SEMA6D: variants seen among roughly 807,000 people sequenced by gnomAD.
SEMA6D encodes the protein semaphorin 6D, also known as semaphorin-6D.
In SEMA6D, 35 loss-of-function variants were observed where a neutral mutation model predicts 106.6. That is an observed-to-expected ratio of 0.33 (90% CI 0.25 to 0.44). The LOEUF (loss-of-function observed/expected upper bound fraction) is 0.44, where lower values mean the gene tolerates loss of function less well. Ranked by LOEUF, SEMA6D falls within the 20% of genes least tolerant of loss-of-function variation. The pLI is 1.00. For missense variants in SEMA6D, 1,185 were observed against 1,345.9 expected (o/e 0.88, Z 1.87); for synonymous variants, 499 against 487.7 (o/e 1.02, Z -0.31).
intron 4 of SEMA6D, among the ~76,000 whole-genome samples, chr15:47,607,872 GAGAGGATGC>G (rs1330713528): frequency 6.6e-6 from 1 of 152,244 alleles, no homozygotes; most frequent in Non-Finnish European, 1.5e-5. Flanking sequence ...AAGGCCTAGG[GAGAGGATGC>G]CAGGAGTATG....
chr15:47,374,172 T>C (rs572548320), intron 1 of SEMA6D, among the ~76,000 whole-genome samples: 10 of 152,312 alleles, frequency 6.6e-5, no homozygotes, highest in African/African-American at 2.4e-4. Context: ...CTCTGTATTA[T>C]CCATAATAAA....
rs559955256 is a variant in SEMA6D at position 47,410,131 on chromosome 15, C to A, written c.-238-2262C>A. On this transcript the variant is annotated intron_variant, in intron 1 of 19. Coordinates refer to the SEMA6D transcript ENST00000558014. ...CTGGGACCACAGGCATGTGCCACCA[C>A]GCCCAGCTAATTGTTTTTGTATTTT... Among the ~76,000 whole-genome samples, 22 of 149,954 alleles carry A rather than the reference C, an allele frequency of 1.5e-4. No homozygotes were observed. The East Asian group carries it at 4.1e-3, about 28-fold the overall frequency.
chr15:47,437,952 T>G (rs2041772832), intron 2 of SEMA6D, among the ~76,000 whole-genome samples: 1 of 152,112 alleles, frequency 6.6e-6, no homozygotes, highest in Non-Finnish European at 1.5e-5. Flanking sequence ...AATTGATGTG[T>G]GTGGTGGAGG....
intron 4 of SEMA6D, among the ~76,000 whole-genome samples, chr15:47,695,212 T>G (rs1309471048): frequency 1.3e-5 from 2 of 152,198 alleles, no homozygotes; most frequent in African/African-American, 4.8e-5. Flanking sequence ...ATGCCAAAAC[T>G]GAATTCTCGT....
At chr15:47,263,466 T>C (rs1345344324) in intron 1 of SEMA6D, among the ~76,000 whole-genome samples, 1 of 152,088 alleles carries the variant, frequency 6.6e-6, no homozygotes, top group Non-Finnish European at 1.5e-5. Flanking sequence ...TACTGATTCA[T>C]CAGAGAAATG....
chr15:47,686,824 G>A (rs903610918), intron 4 of SEMA6D, among the ~76,000 whole-genome samples: 3 of 152,082 alleles, frequency 2.0e-5, no homozygotes, highest in African/African-American at 7.2e-5. Context: ...CCAGCACTTT[G>A]GGGGACTGAG....
intron 2 of SEMA6D, among the ~76,000 whole-genome samples, chr15:47,437,583 T>C (rs1035314201): frequency 1.3e-5 from 2 of 152,082 alleles, no homozygotes; most frequent in South Asian, 4.1e-4. Flanking sequence ...TTAAGCAGTA[T>C]CTGGTTAGTT....
chr15:47,527,383 G>A (rs926953655), intron 3 of SEMA6D, among the ~76,000 whole-genome samples: 4 of 152,110 alleles, frequency 2.6e-5, no homozygotes, highest in Non-Finnish European at 1.5e-5. Flanking sequence ...AAGTTATATG[G>A]AAATGCCAAA....
chr15:47,426,212 C>T (rs1199397931), intron 2 of SEMA6D, among the ~76,000 whole-genome samples: 1 of 151,796 alleles, frequency 6.6e-6, no homozygotes, highest in Non-Finnish European at 1.5e-5. Context: ...ACTATGTTGC[C>T]CAGGCTACCT....
At chr15:47,415,339 T>C (rs886394632) in intron 2 of SEMA6D, among the ~76,000 whole-genome samples, 2 of 152,172 alleles carry the variant, frequency 1.3e-5, no homozygotes, top group Admixed American at 6.6e-5. Context: ...TGGGAGGTTA[T>C]AGAGGAAATG....
chr15:47,195,570 A>G (rs1210157439), intron 1 of SEMA6D, among the ~76,000 whole-genome samples: 1 of 152,166 alleles, frequency 6.6e-6, no homozygotes, highest in Non-Finnish European at 1.5e-5. Flanking sequence ...GTATTTTACC[A>G]TGGTCTTACC....
intron 1 of SEMA6D, among the ~76,000 whole-genome samples, chr15:47,248,158 G>A (rs1157030612): frequency 6.6e-6 from 1 of 152,050 alleles, no homozygotes; most frequent in African/African-American, 2.4e-5. Flanking sequence ...CAAAATATCA[G>A]CCCAATGAAA....
At chr15:47,219,121 T>C (rs1292444853) in intron 1 of SEMA6D, among the ~76,000 whole-genome samples, 1 of 152,220 alleles carries the variant, frequency 6.6e-6, no homozygotes. Flanking sequence ...TTTTTGACCC[T>C]GGTAGAGTAA....
intron 1 of SEMA6D, among the ~76,000 whole-genome samples, chr15:47,745,040 A>G (rs1459212524): frequency 5.3e-5 from 8 of 152,080 alleles, no homozygotes; most frequent in South Asian, 4.1e-4. Flanking sequence ...TTACCTCCCT[A>G]TTATCTCCAG....
At chr15:47,694,517 C>A (rs2078659073) in intron 4 of SEMA6D, among the ~76,000 whole-genome samples, 1 of 152,066 alleles carries the variant, frequency 6.6e-6, no homozygotes, top group African/African-American at 2.4e-5. Flanking sequence ...AAGGAAAAGT[C>A]TTTCTTCCTG....
At chr15:47,491,444 T>C (rs996128447) in intron 3 of SEMA6D, among the ~76,000 whole-genome samples, 2 of 151,516 alleles carry the variant, frequency 1.3e-5, no homozygotes, top group Non-Finnish European at 2.9e-5. Flanking sequence ...AGTTCAAAAA[T>C]AGGCAAAAAT....
At chr15:47,208,743 C>A (rs1190538228) in intron 1 of SEMA6D, among the ~76,000 whole-genome samples, 4 of 152,130 alleles carry the variant, frequency 2.6e-5, no homozygotes, top group Non-Finnish European at 5.9e-5. Context: ...TTCTTCTTAT[C>A]ATTGGGCAGA....
chr15:47,466,727 GT>G (rs772795826), intron 2 of SEMA6D, among the ~76,000 whole-genome samples: 5,584 of 138,860 alleles, frequency 0.04, 306 homozygotes, highest in African/African-American at 0.13. Flanking sequence ...TAGGTGTGTG[GT>G]TTTTTTTTTT....
At chr15:47,678,957 C>T (rs1021706144) in intron 4 of SEMA6D, among the ~76,000 whole-genome samples, 5 of 152,084 alleles carry the variant, frequency 3.3e-5, no homozygotes, top group African/African-American at 1.2e-4. Context: ...ATGTCTGACT[C>T]CAAATGTCAG....
Sources: allele counts gnomAD v4.1 joint callset (sites outside exome capture counted in the v4.1 genomes callset), GRCh38; gene constraint gnomAD v4.1.1; transcripts MANE v1.5; gene names NCBI Gene and HGNC (gene_info 2026-07-23, HGNC 2026-07-21).